DYNLT3: variants seen among roughly 807,000 people sequenced by gnomAD.
The protein encoded by DYNLT3 is protein 91/23.
Under a neutral mutation model 11.0 loss-of-function variants are expected in DYNLT3, and 4 were observed. The ratio of observed to expected loss-of-function variants is 0.36; its 90% CI spans 0.18 to 0.83. DYNLT3 has a LOEUF of 0.83. DYNLT3 is among the 40% of genes least tolerant of loss of function. The pLI is 0.47. For missense variants in DYNLT3, 91 were observed against 91.1 expected, an observed-to-expected ratio of 1.00 and a Z score of 0.01; for synonymous variants, 37 against 31.2, an observed-to-expected ratio of 1.18 and a Z score of -0.61.
In DYNLT3 at chrX:37,841,766, G is replaced by A; in HGVS notation, c.196+16C>T. The A allele has an allele frequency of 1.7e-6, 2 of 1,150,844 alleles. No individual in the cohort carries two copies. The highest frequency in any genetic ancestry group is 2.3e-6 in the Non-Finnish European group (2 of 855,143). 94.8% of individuals were successfully genotyped at this position (1,150,844 alleles called of 1,213,427 possible). A position where few individuals can be genotyped will look rare whatever the true frequency, so the allele number is the denominator to read the frequency against. On this transcript the variant is annotated intron_variant, in intron 3 of 4. Coordinates refer to ENST00000378578, the MANE Select transcript of DYNLT3 (RefSeq NM_006520.3). ...CAAAAGCAAGTGAACTAGTGAGGAA[G>A]GATACTGATACTTACCAATATATTT...
intron 2 of DYNLT3, among the ~76,000 whole-genome samples, chrX:37,844,500 T>G (rs1306864660): frequency 2.7e-5 from 3 of 112,497 alleles, no homozygotes; most frequent in African/African-American, 9.7e-5. Flanking sequence ...AGATGAAAAT[T>G]TGGTTCCCTC....
At chrX:37,840,757 CACA>C (rs1930133071) in intron 4 of DYNLT3, 106 bp from the exon 5 acceptor site, 1 of 283,187 alleles carries the variant, frequency 3.5e-6, no homozygotes, top group East Asian at 4.9e-5. Flanking sequence ...CATATACACA[CACA>C]CACACACACA....
chrX:37,844,101 G>T (rs971366205), intron 2 of DYNLT3, among the ~76,000 whole-genome samples: 6 of 111,924 alleles, frequency 5.4e-5, no homozygotes, highest in Admixed American at 3.8e-4. Context: ...AATGTTTTCA[G>T]TTATATTATT....
intron 1 of DYNLT3, among the ~76,000 whole-genome samples, chrX:37,846,786 T>C (rs1025394312): frequency 5.3e-5 from 6 of 112,189 alleles, no homozygotes; most frequent in African/African-American, 1.9e-4. Flanking sequence ...TTTTAACTTA[T>C]GCTAGGCAAA....
At chrX:37,842,567 T>G (rs186055735) in intron 2 of DYNLT3, among the ~76,000 whole-genome samples, 1 of 111,928 alleles carries the variant, frequency 8.9e-6, no homozygotes, top group East Asian at 2.8e-4. Context: ...GTGCTTGATT[T>G]CATCCACTTC....
intron 1 of DYNLT3, chrX:37,846,971 G>A: frequency 8.6e-7 from 1 of 1,157,676 alleles, no homozygotes; most frequent in Non-Finnish European, 1.2e-6. Context: ...TGAGGGTTGG[G>A]AAAGCCTGAG....
At chrX:37,846,423 A>G in intron 1 of DYNLT3, 65 bp from the exon 2 acceptor site, 1 of 1,104,096 alleles carries the variant, frequency 9.1e-7, no homozygotes, top group Non-Finnish European at 1.2e-6. Context: ...GCTACACAGA[A>G]TATCCTAGGC....
chrX:37,846,369 A>G lies in DYNLT3; in HGVS notation c.31-11T>C. The G allele has an allele frequency of 8.3e-7, 1 of 1,204,769 alleles. No homozygotes were observed. Among genetic ancestry groups the G allele is most frequent in the South Asian group, 1.8e-5 (1 of 55,881 alleles). Reference sequence around the variant, plus strand: ...AGCATTGAAGCCAACCTAAAGGGAAAACAAAAGGTAAAGCTGCTTTCAACA... The same window carrying G: ...AGCATTGAAGCCAACCTAAAGGGAAGACAAAAGGTAAAGCTGCTTTCAACA... On this transcript the variant is annotated splice_polypyrimidine_tract_variant and intron_variant, in intron 1 of 4. Coordinates refer to ENST00000378578, the MANE Select transcript of DYNLT3 (RefSeq NM_006520.3).
At position 37,839,065 on chromosome X, in the gene DYNLT3, C is replaced by G. The variant is rs1445791490; in HGVS notation, c.*1510G>C. ...TTTGATGTGCCAAAAACAAAGATCA[C>G]TGCATTAAACTCCTTTATTTTGTTA... On this transcript the variant is annotated 3_prime_UTR_variant, in exon 5 of 5. Transcript: ENST00000378578. 1 of 111,703 alleles carries G rather than the reference C, an allele frequency of 9.0e-6. No individual in the cohort carries two copies. The highest frequency in any genetic ancestry group is 3.3e-5 in the African/African-American group (1 of 30,714). 9.2% of individuals were successfully genotyped at this position (111,703 alleles called of 1,213,427 possible).
chrX:37,841,161 G>C, intron 3 of DYNLT3, 56 bp from the exon 4 acceptor site: 1 of 1,052,402 alleles, frequency 9.5e-7, no homozygotes, highest in Non-Finnish European at 1.3e-6. Flanking sequence ...AGAGAACCAA[G>C]GTCAAAGTGT....
At chrX:37,844,028 T>C (rs1324023133) in intron 2 of DYNLT3, among the ~76,000 whole-genome samples, 2 of 111,935 alleles carry the variant, frequency 1.8e-5, no homozygotes, top group Admixed American at 1.9e-4. Flanking sequence ...TCATATTTCA[T>C]ATAAAAATTC....
At chrX:37,845,252 G>C (rs1044419364) in intron 2 of DYNLT3, among the ~76,000 whole-genome samples, 1 of 112,211 alleles carries the variant, frequency 8.9e-6, no homozygotes, top group Non-Finnish European at 1.9e-5. Flanking sequence ...TAATTCTGAA[G>C]TATTCAAATA....
intron 2 of DYNLT3, among the ~76,000 whole-genome samples, chrX:37,844,503 G>A (rs185738156): frequency 5.3e-5 from 6 of 112,207 alleles, no homozygotes; most frequent in Non-Finnish European, 1.1e-4. Context: ...TGAAAATTTG[G>A]TTCCCTCAGA....
chrX:37,840,793 T>A, intron 4 of DYNLT3, 142 bp from the exon 5 acceptor site: 1 of 305,580 alleles, frequency 3.3e-6, no homozygotes, highest in Non-Finnish European at 5.3e-6. Context: ...CACACACATA[T>A]ATATATATAT....
At position 37,838,963 on chromosome X, in the gene DYNLT3, A is replaced by G. The variant is rs1930092355; in HGVS notation, c.*1612T>C. The G allele has an allele frequency of 1.8e-5, 2 of 111,742 alleles. No individual in the cohort carries two copies. The highest frequency in any genetic ancestry group is 6.5e-5 in the African/African-American group (2 of 30,833). 9.2% of individuals were successfully genotyped at this position (111,742 alleles called of 1,213,427 possible). ...AATAATAAAAAACAAGTCTGCATGT[A>G]TATTTTGGTCACTATTATGATCTTC... On this transcript the variant is annotated 3_prime_UTR_variant, in exon 5 of 5. Transcript: ENST00000378578.
At chrX:37,846,528 T>C (rs913337261) in intron 1 of DYNLT3, among the ~76,000 whole-genome samples, 170 bp from the exon 2 acceptor site, 1 of 112,149 alleles carries the variant, frequency 8.9e-6, no homozygotes, top group Non-Finnish European at 1.9e-5. Flanking sequence ...ATGCTTTCCC[T>C]ACCTACCTCC....
rs774596677 is a variant in DYNLT3, at chrX:37,841,923, G to A, written c.73-18C>T. ...TCTACACACTAAAAGGGCACAGAGG[G>A]CAGTTAATTTAGTCAGTAAAATTGT... On this transcript the variant is annotated intron_variant, in intron 2 of 4. Transcript: ENST00000378578. 4 of 1,083,164 alleles carry A rather than the reference G, an allele frequency of 3.7e-6. No individual in the cohort carries two copies. The highest frequency in any genetic ancestry group is 5.7e-5 in the South Asian group (2 of 35,131). 89.3% of individuals were successfully genotyped at this position (1,083,164 alleles called of 1,213,427 possible).
intron 4 of DYNLT3, 42 bp downstream of exon 4, chrX:37,840,986 C>G (rs750677550): frequency 8.4e-7 from 1 of 1,184,316 alleles, no homozygotes; most frequent in Non-Finnish European, 1.1e-6. Flanking sequence ...TTTGACTTTG[C>G]TAAAAGTTGG....
intron 4 of DYNLT3, 67 bp downstream of exon 4, chrX:37,840,961 G>T: frequency 9.5e-7 from 1 of 1,055,297 alleles, no homozygotes; most frequent in Non-Finnish European, 1.3e-6. Context: ...ATAAGTACTT[G>T]GTTAAAAAGT....
Sources: allele counts gnomAD v4.1 joint callset (sites outside exome capture counted in the v4.1 genomes callset), GRCh38; gene constraint gnomAD v4.1.1; transcripts MANE v1.5; gene names NCBI Gene and HGNC (gene_info 2026-07-23, HGNC 2026-07-21).